MLIP: variants seen among roughly 807,000 people sequenced by gnomAD.
MLIP encodes the protein muscular LMNA-interacting protein.
A neutral mutation model predicts 84.8 loss-of-function variants in MLIP; 79 were observed. The ratio of observed to expected loss-of-function variants is 0.93; its 90% CI spans 0.78 to 1.12. The LOEUF (loss-of-function observed/expected upper bound fraction) is 1.12. Ranked by LOEUF, MLIP falls within the 50% of genes most tolerant of loss-of-function variation. The pLI is 0.00. For missense variants in MLIP, 1,257 were observed against 1,160.6 expected (o/e 1.08, Z -1.21); for synonymous variants, 504 against 463.0 (o/e 1.09, Z -1.14).
At chr6:54,174,951 T>G (rs1776136121) in intron 9 of MLIP, among the ~76,000 whole-genome samples, 1 of 152,022 alleles carries the variant, frequency 6.6e-6, no homozygotes, top group Admixed American at 6.6e-5. Flanking sequence ...GGGTCTAGTT[T>G]TATTCTTTTG....
intron 12 of MLIP, among the ~76,000 whole-genome samples, chr6:54,237,359 C>T (rs1226353048): frequency 6.6e-6 from 1 of 151,776 alleles, no homozygotes; most frequent in Admixed American, 6.6e-5. Flanking sequence ...CAGAAAGAGC[C>T]CTGAGGCAAA....
chr6:54,051,812 A>T (rs763012134), intron 1 of MLIP, among the ~76,000 whole-genome samples: 1 of 152,146 alleles, frequency 6.6e-6, no homozygotes, highest in Non-Finnish European at 1.5e-5. Context: ...TGGGCTATAT[A>T]AATAAAGTTT....
intron 1 of MLIP, among the ~76,000 whole-genome samples, chr6:54,051,614 C>T (rs968697164): frequency 1.3e-5 from 2 of 151,908 alleles, no homozygotes; most frequent in Non-Finnish European, 2.9e-5. Context: ...TTTTAGGGGA[C>T]TATGACACAT....
At position 54,137,602 on chromosome 6, in the gene MLIP, A is replaced by C; in HGVS notation, c.1533A>C (p.Thr511=). 6.5e-7 allele frequency: 1 copy of C among 1,536,054 alleles called. No individual in the cohort carries two copies. The highest frequency in any genetic ancestry group is 8.7e-7 in the Non-Finnish European group (1 of 1,146,866). The change falls in exon 4 of 14, where the codon ACA becomes ACC. Residue 511 remains threonine (T), a synonymous_variant. Coordinates refer to ENST00000502396, the MANE Select transcript of MLIP (RefSeq NM_001281747.2). ...PLSQAPSLSP[T]KQASSSLASM... ...CTCAGGCGCCCTCCCTCTCTCCTAC[A>C]AAACAGGCTAGTAGCAGCCTTGCTT... is the stretch of plus-strand genomic sequence containing the variant.
intron 1 of MLIP, among the ~76,000 whole-genome samples, chr6:54,105,475 G>A (rs745367338): frequency 7.2e-5 from 11 of 152,120 alleles, no homozygotes; most frequent in Non-Finnish European, 1.6e-4. Flanking sequence ...AAGTTCATTG[G>A]ACAAGTATTT....
chr6:54,087,021 A>G (rs1380416895), intron 1 of MLIP, among the ~76,000 whole-genome samples: 1 of 152,146 alleles, frequency 6.6e-6, no homozygotes, highest in African/African-American at 2.4e-5. Flanking sequence ...CTCTCTTCTA[A>G]AATAGAGGTT....
At position 54,257,350 on chromosome 6, in the gene MLIP, G is replaced by A; in HGVS notation, c.2965G>A (p.Asp989Asn). The part of the protein sequence containing the change: ...MVAIPEHEAL[D>N]SKEQ Reference sequence around the variant, plus strand: ...GGCTATTCCTGAACATGAAGCTCTTGATTCCAAAGAGGTAAATGTAAGATA... The same window carrying A: ...GGCTATTCCTGAACATGAAGCTCTTAATTCCAAAGAGGTAAATGTAAGATA... Residue 989 changes from aspartate (D) to asparagine (N), a missense_variant, in exon 13 of 14, where the codon GAT becomes AAT. Asp to Asn is a conservative substitution (Grantham distance 23). Transcript: ENST00000502396. 6.2e-7 allele frequency: 1 copy of A among 1,611,200 alleles called. No individual in the cohort carries two copies. The highest frequency in any genetic ancestry group is 1.7e-4 in the Middle Eastern group (1 of 6,044).
intron 1 of MLIP, among the ~76,000 whole-genome samples, 181 bp downstream of exon 1, chr6:54,111,756 C>A (rs1412812522): frequency 6.6e-6 from 1 of 152,128 alleles, no homozygotes; most frequent in Non-Finnish European, 1.5e-5. Context: ...CAAAACTGCT[C>A]ATTGGGCAAA....
chr6:54,250,022 C>T (rs2150865194), intron 12 of MLIP, among the ~76,000 whole-genome samples: 1 of 152,064 alleles, frequency 6.6e-6, no homozygotes, highest in East Asian at 1.9e-4. Context: ...ATTTAGCTCC[C>T]ACTTACAAGT....
chr6:54,025,135 C>T (rs532974834), intron 1 of MLIP, among the ~76,000 whole-genome samples: 3 of 152,134 alleles, frequency 2.0e-5, no homozygotes, highest in East Asian at 1.9e-4. Context: ...AGGCGTGAGC[C>T]GTTGCGCCCG....
At chr6:54,233,948 T>C (rs976609962) in intron 12 of MLIP, among the ~76,000 whole-genome samples, 6 of 152,202 alleles carry the variant, frequency 3.9e-5, no homozygotes, top group African/African-American at 1.4e-4. Context: ...TAATGCCCAG[T>C]GATGATGAGC....
chr6:54,215,065 C>A, intron 11 of MLIP: 1 of 1,074,960 alleles, frequency 9.3e-7, no homozygotes, highest in Non-Finnish European at 1.4e-6. Flanking sequence ...CTGGTCTCTG[C>A]CTTTTTGCTC....
chr6:54,024,644 T>C (rs538230105), intron 1 of MLIP, among the ~76,000 whole-genome samples: 2 of 152,366 alleles, frequency 1.3e-5, no homozygotes, highest in African/African-American at 4.8e-5. Context: ...TACGCTTTGA[T>C]TATTTTTAAG....
chr6:54,128,948 C>T (rs1193635219), intron 3 of MLIP, among the ~76,000 whole-genome samples: 2 of 151,354 alleles, frequency 1.3e-5, no homozygotes, highest in Non-Finnish European at 2.9e-5. Flanking sequence ...AGGGGGGGCA[C>T]AAAGTCAGGA....
intron 11 of MLIP, among the ~76,000 whole-genome samples, chr6:54,227,276 C>A (rs1780641045): frequency 6.6e-6 from 1 of 152,066 alleles, no homozygotes; most frequent in African/African-American, 2.4e-5. Flanking sequence ...TACTGAGTCT[C>A]AGATAGTTCT....
chr6:54,195,479 A>G (rs1300633746), intron 10 of MLIP, among the ~76,000 whole-genome samples: 2 of 152,106 alleles, frequency 1.3e-5, no homozygotes, highest in Non-Finnish European at 2.9e-5. Context: ...ATTTAAAAAT[A>G]TTGGTCATGG....
chr6:54,163,828 T>A (rs1447861006), intron 8 of MLIP, among the ~76,000 whole-genome samples: 1 of 152,024 alleles, frequency 6.6e-6, no homozygotes, highest in Non-Finnish European at 1.5e-5. Flanking sequence ...CCTGTTGGAA[T>A]CTTGCTTCAA....
chr6:54,241,817 C>T (rs1327055993), intron 12 of MLIP, among the ~76,000 whole-genome samples: 1 of 151,954 alleles, frequency 6.6e-6, no homozygotes, highest in African/African-American at 2.4e-5. Context: ...TATAACTTGT[C>T]TGAAATGAAA....
At chr6:54,235,033 A>T (rs1309380478) in intron 12 of MLIP, among the ~76,000 whole-genome samples, 2 of 152,120 alleles carry the variant, frequency 1.3e-5, no homozygotes, top group East Asian at 3.9e-4. Flanking sequence ...CAAACTCATC[A>T]TTCATTTTGT....
Sources: allele counts gnomAD v4.1 joint callset (sites outside exome capture counted in the v4.1 genomes callset), GRCh38; gene constraint gnomAD v4.1.1; transcripts MANE v1.5; gene names NCBI Gene and HGNC (gene_info 2026-07-23, HGNC 2026-07-21).